UGT1A10: variants seen among roughly 807,000 people sequenced by gnomAD.
UGT1A10 encodes the protein UDP glucuronosyltransferase family 1 member A10.
UGT1A10 carries 49 observed loss-of-function variants against 45.8 expected under a neutral mutation model. The observed-to-expected ratio is 1.07, with a 90% CI of 0.85 to 1.36. The LOEUF (loss-of-function observed/expected upper bound fraction) is 1.36, where lower values mean the gene tolerates loss of function less well. Ranked by LOEUF, UGT1A10 falls within the 40% of genes most tolerant of loss-of-function variation. UGT1A10 has a pLI of 0.00. For missense variants in UGT1A10, 745 were observed against 668.6 expected (o/e 1.11, Z -1.26); for synonymous variants, 284 against 249.7 (o/e 1.14, Z -1.29).
intron 1 of UGT1A10, among the ~76,000 whole-genome samples, chr2:233,750,888 T>C (rs577435588): frequency 6.6e-6 from 1 of 152,002 alleles, no homozygotes; most frequent in South Asian, 2.1e-4. Context: ...GGAGCCCTTA[T>C]AGAGAACCTC....
intron 1 of UGT1A10, chr2:233,708,819 G>A (rs2076042400): frequency 6.7e-6 from 1 of 148,988 alleles, no homozygotes; most frequent in Non-Finnish European, 1.5e-5. Flanking sequence ...CCAAATTCTT[G>A]ACTCAGTGAA....
At chr2:233,665,610 T>G (rs1216418216) in intron 1 of UGT1A10, among the ~76,000 whole-genome samples, 1 of 152,180 alleles carries the variant, frequency 6.6e-6, no homozygotes, top group African/African-American at 2.4e-5. Flanking sequence ...CATTGGTTGG[T>G]TTGAATAATT....
At chr2:233,721,199 C>A (rs1012504962) in intron 1 of UGT1A10, among the ~76,000 whole-genome samples, 1 of 152,106 alleles carries the variant, frequency 6.6e-6, no homozygotes, top group Non-Finnish European at 1.5e-5. Flanking sequence ...ATTTGTTCTA[C>A]TGGTTTTCTT....
chr2:233,690,554 A>G (rs1232245723), intron 1 of UGT1A10: 1 of 1,289,716 alleles, frequency 7.8e-7, no homozygotes, highest in Non-Finnish European at 1.0e-6. Flanking sequence ...AATATGTCCC[A>G]AGCCTGAGTC....
chr2:233,675,426 G>A (rs1247129134), intron 1 of UGT1A10, among the ~76,000 whole-genome samples: 1 of 152,180 alleles, frequency 6.6e-6, no homozygotes, highest in South Asian at 2.1e-4. Context: ...ATTAATGACT[G>A]GTTTTAGGTG....
At chr2:233,720,203 G>C (rs1171500164) in intron 1 of UGT1A10, among the ~76,000 whole-genome samples, 1 of 152,178 alleles carries the variant, frequency 6.6e-6, no homozygotes, top group Non-Finnish European at 1.5e-5. Context: ...GGGCTGTGAA[G>C]GTGGGATGGA....
At chr2:233,749,694 G>A (rs1268500408) in intron 1 of UGT1A10, among the ~76,000 whole-genome samples, 1 of 151,848 alleles carries the variant, frequency 6.6e-6, no homozygotes, top group Non-Finnish European at 1.5e-5. Flanking sequence ...AGGATCTGGT[G>A]GGAGGTGATT....
chr2:233,693,131 A>G, intron 1 of UGT1A10: 1 of 1,614,212 alleles, frequency 6.2e-7, no homozygotes, highest in Non-Finnish European at 8.5e-7. Flanking sequence ...GCTTAGTATG[A>G]AGGATATAGT....
chr2:233,682,266 C>G, intron 1 of UGT1A10: 1 of 1,614,182 alleles, frequency 6.2e-7, no homozygotes, highest in African/African-American at 1.3e-5. Flanking sequence ...TCTCTATTAA[C>G]AAGTTCATCC....
chr2:233,772,135 A>C (rs1281309979), intron 4 of UGT1A10, 127 bp from the exon 5 acceptor site: 4 of 1,546,748 alleles, frequency 2.6e-6, no homozygotes, highest in Non-Finnish European at 3.5e-6. Context: ...CAACAACAAT[A>C]ATAGAAACAG....
chr2:233,767,427 G>A (rs1439996149), intron 2 of UGT1A10, among the ~76,000 whole-genome samples: 1 of 152,164 alleles, frequency 6.6e-6, no homozygotes, highest in Non-Finnish European at 1.5e-5. Context: ...GTGTATTAGG[G>A]AGAATTTATT....
chr2:233,748,074 T>C lies in UGT1A10; in HGVS notation c.856-18960T>C, dbSNP rs1392402990. 2.5e-6 allele frequency: 4 copies of C among 1,613,184 alleles called. No individual in the cohort carries two copies. The East Asian group carries it at 8.9e-5, about 36-fold the overall frequency. On this transcript the variant is annotated intron_variant, in intron 1 of 4. Transcript: ENST00000344644. ...CAACTGTGCCAACAGGAAGCCACTA[T>C]CTCAGGTCGGTGTTCGTGCCTTCAT...
intron 1 of UGT1A10, chr2:233,648,723 C>T: frequency 2.1e-6 from 1 of 483,096 alleles, no homozygotes; most frequent in Non-Finnish European, 3.6e-6. Context: ...CTTGGCCTCC[C>T]AAAGTGCTGG....
chr2:233,729,880 G>A (rs746200260), intron 1 of UGT1A10: 2 of 1,613,860 alleles, frequency 1.2e-6, no homozygotes, highest in Non-Finnish European at 1.7e-6. Flanking sequence ...TCTCAGTCAT[G>A]CATCTGTGTG....
intron 1 of UGT1A10, among the ~76,000 whole-genome samples, chr2:233,697,354 T>C (rs1438878315): frequency 6.6e-6 from 1 of 152,156 alleles, no homozygotes; most frequent in Non-Finnish European, 1.5e-5. Flanking sequence ...GGTTTTCTAA[T>C]TTGTTGGCAT....
intron 1 of UGT1A10, chr2:233,682,046 C>T (rs762674386): frequency 6.2e-7 from 1 of 1,614,106 alleles, no homozygotes; most frequent in Admixed American, 1.7e-5. Context: ...GGATGGGAGC[C>T]ACTGGTTCAC....
chr2:233,763,369 C>A (rs1698291426), intron 1 of UGT1A10, among the ~76,000 whole-genome samples: 1 of 152,194 alleles, frequency 6.6e-6, no homozygotes. Flanking sequence ...CCTTTGTCTT[C>A]AAGCTTTCTT....
intron 1 of UGT1A10, chr2:233,729,148 C>A: frequency 6.2e-7 from 1 of 1,613,474 alleles, no homozygotes; most frequent in Non-Finnish European, 8.5e-7. Flanking sequence ...ACTCCAGGTT[C>A]CCCTGCCGTG....
intron 1 of UGT1A10, chr2:233,747,633 C>T (rs1217240528): frequency 4.9e-5 from 78 of 1,580,658 alleles, no homozygotes; most frequent in Non-Finnish European, 6.7e-5. Flanking sequence ...GATCAGGCAC[C>T]TGAATGCTAC....
Sources: allele counts gnomAD v4.1 joint callset (sites outside exome capture counted in the v4.1 genomes callset), GRCh38; gene constraint gnomAD v4.1.1; transcripts MANE v1.5; gene names NCBI Gene and HGNC (gene_info 2026-07-23, HGNC 2026-07-21).